Variants in ZFP14 observed in about 807,000 individuals in gnomAD.
ZFP14 encodes ZFP14 zinc finger protein, also known as zinc finger protein 14 homolog.
ZFP14 carries 22 observed loss-of-function variants against 54.5 expected under a neutral mutation model. That is an observed-to-expected ratio of 0.40 (90% confidence interval 0.29 to 0.58). The LOEUF is 0.58. Ranked by LOEUF, ZFP14 falls within the 20% of genes least tolerant of loss-of-function variation. ZFP14 has a pLI of 0.39. For synonymous variants in ZFP14, 159 were observed against 204.0 expected, an observed-to-expected ratio of 0.78 and a Z score of 1.88; for missense variants, 470 against 637.8, an observed-to-expected ratio of 0.74 and a Z score of 2.83.
intron 4 of ZFP14, among the ~76,000 whole-genome samples, chr19:36,359,933 G>A (rs1325014879): frequency 6.6e-6 from 1 of 152,158 alleles, no homozygotes; most frequent in Non-Finnish European, 1.5e-5. Context: ...GGGATTACCA[G>A]AGTGAGCCAC....
rs529422349 is a variant in ZFP14, at chr19:36,353,947, C to T, written c.235+6488G>A. ...AAAATTTTCCAGCGGTGGTGGCATG[C>T]GCCTGTAGTCCCAGCTACTTGGGAG... On this transcript the variant is annotated intron_variant, in intron 4 of 4. Transcript: ENST00000270001. 1.1e-4 allele frequency among the ~76,000 whole-genome samples: 15 copies of T among 135,824 alleles called. 4 individuals are homozygous for T. Among genetic ancestry groups the T allele is most frequent in the African/African-American group, 4.1e-4 (15 of 36,914 alleles). 89.1% of individuals were successfully genotyped at this position (135,824 alleles called of 152,430 possible). A position where few individuals can be genotyped will look rare whatever the true frequency, so the allele number is the denominator to read the frequency against.
At chr19:36,346,747 C>G (rs993905567) in intron 4 of ZFP14, among the ~76,000 whole-genome samples, 1 of 152,224 alleles carries the variant, frequency 6.6e-6, no homozygotes, top group South Asian at 2.1e-4. Context: ...TAAGCCACTG[C>G]GCCCAGCCGC....
At chr19:36,372,812 C>A (rs1568475111) in intron 1 of ZFP14, among the ~76,000 whole-genome samples, 1 of 151,994 alleles carries the variant, frequency 6.6e-6, no homozygotes, top group African/African-American at 2.4e-5. Flanking sequence ...GATGAATGGA[C>A]AAAGAAAATC....
intron 1 of ZFP14, among the ~76,000 whole-genome samples, chr19:36,374,441 T>G (rs1382273686): frequency 6.8e-6 from 1 of 147,044 alleles, no homozygotes; most frequent in South Asian, 2.1e-4. Context: ...AATGAGCCGA[T>G]GTCGTGCCGT....
rs893101940 is a variant in ZFP14, at chr19:36,349,620, T to C, written c.236-8030A>G. Reference sequence around the variant, plus strand: ...AGGCAGAGGCCACAGTGAGCCAAGATGGCACCACTGCACTCCAGCCTGGGT... The same window carrying C: ...AGGCAGAGGCCACAGTGAGCCAAGACGGCACCACTGCACTCCAGCCTGGGT... On this transcript the variant is annotated intron_variant, in intron 4 of 4. Transcript: ENST00000270001. 8.0e-5 allele frequency among the ~76,000 whole-genome samples: 12 copies of C among 150,434 alleles called. No individual in the cohort carries two copies. In the Middle Eastern group the frequency reaches 0.011, roughly 132 times the overall value.
chr19:36,346,376 T>A (rs917755509), intron 4 of ZFP14, among the ~76,000 whole-genome samples: 1 of 150,854 alleles, frequency 6.6e-6, no homozygotes. Flanking sequence ...AACCATTAGC[T>A]AAGATAATAA....
intron 1 of ZFP14, among the ~76,000 whole-genome samples, chr19:36,374,818 C>CA (rs2031935141): frequency 6.6e-6 from 1 of 152,192 alleles, no homozygotes; most frequent in Non-Finnish European, 1.5e-5. Flanking sequence ...CCACATTAAA[C>CA]AGAGTGTGAG....
intron 1 of ZFP14, among the ~76,000 whole-genome samples, chr19:36,372,309 T>C (rs1022114401): frequency 4.7e-5 from 7 of 150,288 alleles, no homozygotes; most frequent in Non-Finnish European, 8.9e-5. Context: ...AATTAAGAGT[T>C]TTTTTTTTGA....
intron 4 of ZFP14, among the ~76,000 whole-genome samples, chr19:36,357,044 T>A (rs978384915): frequency 2.0e-5 from 3 of 152,088 alleles, no homozygotes; most frequent in East Asian, 1.9e-4. Context: ...TGTCTTAATT[T>A]TTTATTTATT....
chr19:36,358,556 A>C (rs530075123), intron 4 of ZFP14, among the ~76,000 whole-genome samples: 1 of 152,058 alleles, frequency 6.6e-6, no homozygotes, highest in African/African-American at 2.4e-5. Context: ...TTCCTTTTTG[A>C]TCTTTATGTC....
At chr19:36,365,861 G>A (rs1309299172) in intron 2 of ZFP14, among the ~76,000 whole-genome samples, 2 of 151,968 alleles carry the variant, frequency 1.3e-5, no homozygotes, top group Non-Finnish European at 2.9e-5. Flanking sequence ...TCAGGAGGCT[G>A]AGGTGGGAGG....
At chr19:36,369,657 C>T (rs546827352) in intron 1 of ZFP14, among the ~76,000 whole-genome samples, 3 of 152,008 alleles carry the variant, frequency 2.0e-5, no homozygotes, top group South Asian at 2.1e-4. Context: ...TTGATCCACC[C>T]GCCTCAGCCT....
At chr19:36,361,869 A>G (rs1197500049) in intron 3 of ZFP14, among the ~76,000 whole-genome samples, 1 of 152,160 alleles carries the variant, frequency 6.6e-6, no homozygotes, top group African/African-American at 2.4e-5. Context: ...TTTCTTGAAC[A>G]ATGCTTTTGC....
rs2031308698 is a variant in ZFP14, at chr19:36,341,280, A to G, written c.546T>C (p.Ile182=). 1 of 1,614,176 alleles carries G rather than the reference A, an allele frequency of 6.2e-7. No homozygotes were observed. The highest frequency in any genetic ancestry group is 1.3e-5 in the African/African-American group (1 of 75,056). ...YECKECRKTF[I]RRSTLSQHLR... ...GGTGTTGACTAAGTGTTGAGCGACG[A>G]ATAAAGGTCTTCCTACACTCCTTAC... is the stretch of plus-strand genomic sequence containing the variant. Residue 182 remains isoleucine, a synonymous_variant, in exon 5 of 5, where the codon ATT becomes ATC. Coordinates refer to ENST00000270001, the MANE Select transcript of ZFP14 (RefSeq NM_020917.3). This position sits in a 1 kb window ranked among gnomAD's most constrained non-coding sequence, Gnocchi z 4.2.
chr19:36,363,193 T>TCTTTTCTTTTC (rs1440875803), intron 2 of ZFP14, among the ~76,000 whole-genome samples: 1 of 134,202 alleles, frequency 7.5e-6, no homozygotes, highest in African/African-American at 2.9e-5. Context: ...TCTTTTCTTT[T>TCTTTTCTTTTC]TTTTTTTTTT....
At chr19:36,353,666 C>G (rs2031566198) in intron 4 of ZFP14, among the ~76,000 whole-genome samples, 3 of 128,334 alleles carry the variant, frequency 2.3e-5, no homozygotes, top group African/African-American at 8.7e-5. Flanking sequence ...CCACTACACT[C>G]CAGTCTGGGT....
Position 36,340,659 on chromosome 19 carries a change from T to C in ZFP14, c.1167A>G (p.Ile389Met), listed in dbSNP as rs764847089. 1.9e-6 allele frequency: 3 copies of C among 1,613,836 alleles called. No homozygotes were observed. Among genetic ancestry groups the C allele is most frequent in the African/African-American group, 1.3e-5 (1 of 74,916 alleles). The change falls in exon 5 of 5, where the codon ATA becomes ATG. Residue 389 changes from isoleucine (I) to methionine (M), a missense_variant. By Grantham distance (10) the Ile-to-Met change is conservative. Coordinates refer to ENST00000270001, the MANE Select transcript of ZFP14 (RefSeq NM_020917.3). The surrounding 1 kb of genome is among the most constrained non-coding windows in gnomAD (Gnocchi z 5.4). ...ATTCATAGGGTTTCTCACGAGTATGTATTCTCTGATGGCGAACTAGTTGTT... is the reference window on the plus strand; with the variant it reads ...ATTCATAGGGTTTCTCACGAGTATGCATTCTCTGATGGCGAACTAGTTGTT... ...LRQQLVRHQR[I>M]HTREKPYECM...
At chr19:36,365,148 G>A (rs1165693762) in intron 2 of ZFP14, among the ~76,000 whole-genome samples, 4 of 151,460 alleles carry the variant, frequency 2.6e-5, no homozygotes, top group African/African-American at 7.3e-5. Flanking sequence ...GATTACAGGC[G>A]TGAGCCACTA....
At chr19:36,352,832 T>C (rs1377092961) in intron 4 of ZFP14, among the ~76,000 whole-genome samples, 2 of 141,254 alleles carry the variant, frequency 1.4e-5, no homozygotes, top group Non-Finnish European at 3.1e-5. Context: ...TCCCAGCTAC[T>C]TGGGAGGCTG....
Sources: gnomAD v4.1 joint callset for allele counts (sites outside exome capture counted in the v4.1 genomes callset) on GRCh38, gnomAD v4.1.1 for gene constraint, Gnocchi (gnomAD v3.1) non-coding constraint, MANE v1.5 for transcripts, NCBI Gene and HGNC (gene_info 2026-07-23, HGNC 2026-07-21) for gene names.